Variants in DLGAP1 observed in about 807,000 individuals in gnomAD.
DLGAP1 encodes the protein disks large-associated protein 1.
In DLGAP1, 11 loss-of-function variants were observed where a neutral mutation model predicts 90.8. The observed-to-expected ratio is 0.12, with a 90% CI of 0.08 to 0.20. The LOEUF (loss-of-function observed/expected upper bound fraction) is 0.20, where lower values mean the gene tolerates loss of function less well. DLGAP1 is among the 10% of genes least tolerant of loss of function. DLGAP1 has a pLI of 1.00. For synonymous variants in DLGAP1, 558 were observed against 540.7 expected (o/e 1.03, Z -0.44); for missense variants, 1,050 against 1,333.8 (o/e 0.79, Z 3.31).
At chr18:3,855,242 G>C (rs538217136) in intron 4 of DLGAP1, among the ~76,000 whole-genome samples, 1 of 152,170 alleles carries the variant, frequency 6.6e-6, no homozygotes, top group South Asian at 2.1e-4. Context: ...AGTACATATG[G>C]ACACAAACAA....
intron 1 of DLGAP1, among the ~76,000 whole-genome samples, chr18:4,398,394 C>T (rs2082481887): frequency 6.6e-6 from 1 of 152,044 alleles, no homozygotes; most frequent in Admixed American, 6.5e-5. Flanking sequence ...AAGTTGAAGT[C>T]AAATACAGTG....
intron 2 of DLGAP1, among the ~76,000 whole-genome samples, chr18:4,110,210 G>T (rs889450348): frequency 6.6e-6 from 1 of 152,156 alleles, no homozygotes; most frequent in Non-Finnish European, 1.5e-5. Context: ...AAGCTGTGCA[G>T]CATGTGACTG....
intron 1 of DLGAP1, among the ~76,000 whole-genome samples, chr18:4,226,017 G>C (rs2078179548): frequency 1.3e-5 from 2 of 152,144 alleles, no homozygotes; most frequent in Admixed American, 1.3e-4. Context: ...CAAATGTCAA[G>C]ATTAAAGAAA....
intron 11 of DLGAP1, among the ~76,000 whole-genome samples, chr18:3,506,876 T>C (rs2050258217): frequency 6.6e-6 from 1 of 152,132 alleles, no homozygotes; most frequent in Admixed American, 6.5e-5. Context: ...AGCTGAAGCT[T>C]GATAGAATAC....
chr18:3,814,001 G>C, intron 5 of DLGAP1, 58 bp downstream of exon 5: 1 of 1,549,730 alleles, frequency 6.5e-7, no homozygotes, highest in South Asian at 1.1e-5. Context: ...CACCATCTGA[G>C]CCTCGGTGAT....
At chr18:3,576,625 C>T (rs1428101720) in intron 8 of DLGAP1, among the ~76,000 whole-genome samples, 4 of 149,322 alleles carry the variant, frequency 2.7e-5, no homozygotes, top group Admixed American at 6.7e-5. Flanking sequence ...AGTGCAATGG[C>T]GCGATCTTGG....
At chr18:4,194,633 T>C (rs906379382) in intron 1 of DLGAP1, among the ~76,000 whole-genome samples, 1 of 152,192 alleles carries the variant, frequency 6.6e-6, no homozygotes, top group African/African-American at 2.4e-5. Context: ...TCAGCTAACA[T>C]CTATTTAGCC....
chr18:4,187,404 T>C (rs1265187935), intron 1 of DLGAP1, among the ~76,000 whole-genome samples: 2 of 152,122 alleles, frequency 1.3e-5, no homozygotes, highest in Admixed American at 1.3e-4. Flanking sequence ...TCCCCCAAAA[T>C]TTGTATTTAA....
chr18:3,772,103 TTTC>T (rs1333333231), intron 5 of DLGAP1, among the ~76,000 whole-genome samples: 3 of 151,162 alleles, frequency 2.0e-5, no homozygotes, highest in African/African-American at 4.9e-5. Flanking sequence ...CTTTCTTTCT[TTTC>T]TTTTCTTTCC....
intron 2 of DLGAP1, among the ~76,000 whole-genome samples, chr18:4,036,954 C>T (rs1002156999): frequency 2.6e-5 from 4 of 152,322 alleles, no homozygotes; most frequent in African/African-American, 9.6e-5. Flanking sequence ...CATGAAACTG[C>T]TTTTGCCTGA....
chr18:4,356,205 T>C (rs934060155), intron 1 of DLGAP1, among the ~76,000 whole-genome samples: 2 of 151,962 alleles, frequency 1.3e-5, no homozygotes, highest in Admixed American at 1.3e-4. Context: ...CTTGGTCTCA[T>C]TTGGAGGTTC....
chr18:4,305,866 T>C (rs961739596), intron 1 of DLGAP1, among the ~76,000 whole-genome samples: 3 of 151,912 alleles, frequency 2.0e-5, no homozygotes, highest in African/African-American at 7.2e-5. Context: ...AAAGATAGTG[T>C]GGAACCTGGG....
intron 2 of DLGAP1, among the ~76,000 whole-genome samples, chr18:4,088,052 C>A (rs964204560): frequency 1.3e-5 from 2 of 151,108 alleles, no homozygotes; most frequent in Non-Finnish European, 2.9e-5. Flanking sequence ...TTTTCCTCAA[C>A]TATTGATCTC....
rs17659564 is a variant in DLGAP1, at chr18:4,309,535, G to A, written c.-267+145471C>T. On this transcript the variant is annotated intron_variant, in intron 1 of 12. Transcript: ENST00000315677. Reference sequence around the variant, plus strand: ...ACTAAGAAGAGCCTCTATCTTCCCCGAAACTTTAATCACAGAACTGAAATA... The same window carrying A: ...ACTAAGAAGAGCCTCTATCTTCCCCAAAACTTTAATCACAGAACTGAAATA... Among the ~76,000 whole-genome samples, 744 of 152,210 alleles carry A rather than the reference G, an allele frequency of 4.9e-3. 1 individual carries two copies. The highest frequency in any genetic ancestry group is 8.9e-3 in the Non-Finnish European group (602 of 68,012).
intron 3 of DLGAP1, among the ~76,000 whole-genome samples, chr18:4,000,066 C>T (rs1207453401): frequency 1.3e-5 from 2 of 152,144 alleles, no homozygotes; most frequent in East Asian, 1.9e-4. Context: ...CCTCCCACCT[C>T]GGCCTCCCAC....
intron 7 of DLGAP1, among the ~76,000 whole-genome samples, chr18:3,641,628 A>C (rs2058949519): frequency 6.6e-6 from 1 of 150,402 alleles, no homozygotes; most frequent in Admixed American, 6.6e-5. Flanking sequence ...CACACAGTAT[A>C]TAATACTGTC....
chr18:3,929,358 CA>C (rs1249469612), intron 3 of DLGAP1, among the ~76,000 whole-genome samples: 1 of 152,168 alleles, frequency 6.6e-6, no homozygotes, highest in East Asian at 1.9e-4. Context: ...AATGAATTGA[CA>C]AAGCAGATTC....
At chr18:4,269,458 A>C (rs1307382636) in intron 1 of DLGAP1, among the ~76,000 whole-genome samples, 1 of 150,976 alleles carries the variant, frequency 6.6e-6, no homozygotes, top group African/African-American at 2.4e-5. Flanking sequence ...GGCTCACGCC[A>C]TTCTCCTGCC....
At chr18:4,333,642 C>T (rs899850800) in intron 1 of DLGAP1, among the ~76,000 whole-genome samples, 2 of 143,736 alleles carry the variant, frequency 1.4e-5, no homozygotes, top group African/African-American at 5.2e-5. Context: ...TTTTTTGAAA[C>T]AGAGTCTCGC....
Sources: allele counts gnomAD v4.1 joint callset (sites outside exome capture counted in the v4.1 genomes callset), GRCh38; gene constraint gnomAD v4.1.1; transcripts MANE v1.5; gene names NCBI Gene and HGNC (gene_info 2026-07-23, HGNC 2026-07-21).